The following EXTL3 variants were observed in gnomAD, a reference collection of about 807,000 sequenced individuals.
The protein encoded by EXTL3 is exostosin-like 3.
EXTL3 carries 27 observed loss-of-function variants against 69.3 expected under a neutral mutation model. The ratio of observed to expected loss-of-function variants is 0.39; its 90% CI spans 0.29 to 0.54. The LOEUF (loss-of-function observed/expected upper bound fraction) is 0.54. Among genes scored for constraint, EXTL3 ranks in the 20% least tolerant of loss-of-function variants. The pLI, the probability that EXTL3 is intolerant of heterozygous loss-of-function variation, is 0.69. For missense variants in EXTL3, 1,003 were observed against 1,231.8 expected (o/e 0.81, Z 2.78); for synonymous variants, 511 against 499.4 (o/e 1.02, Z -0.31).
rs1183332426 is a variant in EXTL3, at chr8:28,752,659, A to G, written c.*1793A>G. On this transcript the variant is annotated 3_prime_UTR_variant, in exon 7 of 7. Transcript: ENST00000220562. The stretch of plus-strand genomic sequence containing the variant: ...GTTCCCCGCCCCCAACCCCAGCATC[A>G]GCCTGTAGCTCCCCTGCTGAGGCAG... 1 of 152,736 alleles carries G rather than the reference A, an allele frequency of 6.5e-6. No homozygotes were observed. Among genetic ancestry groups the G allele is most frequent in the Non-Finnish European group, 1.5e-5 (1 of 68,138 alleles). 9.5% of individuals were successfully genotyped at this position (152,736 alleles called of 1,614,324 possible).
At chr8:28,705,691 AT>A (rs1228638177) in intron 1 of EXTL3, among the ~76,000 whole-genome samples, 1 of 152,238 alleles carries the variant, frequency 6.6e-6, no homozygotes, top group Non-Finnish European at 1.5e-5. Context: ...AATAAAAATC[AT>A]GTATGTTTGA....
intron 1 of EXTL3, among the ~76,000 whole-genome samples, chr8:28,625,083 C>T (rs1213149511): frequency 3.3e-5 from 5 of 152,200 alleles, no homozygotes; most frequent in Non-Finnish European, 5.9e-5. Context: ...AACTGACCCG[C>T]AGTTACAGAC....
intron 1 of EXTL3, among the ~76,000 whole-genome samples, chr8:28,712,411 A>G (rs1420695769): frequency 6.6e-6 from 1 of 152,130 alleles, no homozygotes; most frequent in African/African-American, 2.4e-5. Context: ...GTTGCTGTGT[A>G]TGGAGTGCAT....
intron 4 of EXTL3, among the ~76,000 whole-genome samples, chr8:28,736,728 AT>A (rs1801659458): frequency 6.6e-6 from 1 of 152,246 alleles, no homozygotes; most frequent in African/African-American, 2.4e-5. Flanking sequence ...TGTGCAATAT[AT>A]GTAAATTACA....
At chr8:28,666,110 G>A (rs1326419920) in intron 1 of EXTL3, among the ~76,000 whole-genome samples, 1 of 152,062 alleles carries the variant, frequency 6.6e-6, no homozygotes, top group Non-Finnish European at 1.5e-5. Flanking sequence ...TTCTTTTTGC[G>A]CCTCTTATTA....
At chr8:28,636,774 G>A (rs926930063) in intron 1 of EXTL3, among the ~76,000 whole-genome samples, 1 of 152,194 alleles carries the variant, frequency 6.6e-6, no homozygotes, top group East Asian at 1.9e-4. Flanking sequence ...ACTTTGGGAG[G>A]CTGAGACAGG....
intron 1 of EXTL3, among the ~76,000 whole-genome samples, chr8:28,691,878 C>G (rs1383318281): frequency 6.6e-6 from 1 of 151,786 alleles, no homozygotes; most frequent in Non-Finnish European, 1.5e-5. Flanking sequence ...GCCTGGGGGG[C>G]AACAGCGAAA....
chr8:28,656,867 A>T (rs971598152), intron 1 of EXTL3, among the ~76,000 whole-genome samples: 2 of 150,006 alleles, frequency 1.3e-5, no homozygotes, highest in East Asian at 3.9e-4. Context: ...GATGAATGTG[A>T]CCATTATTAT....
intron 2 of EXTL3, among the ~76,000 whole-genome samples, chr8:28,607,946 A>C (rs886290491): frequency 6.6e-6 from 1 of 151,228 alleles, no homozygotes; most frequent in Non-Finnish European, 1.5e-5. Flanking sequence ...CCCCGTCTCT[A>C]CTAAATACAA....
At chr8:28,661,673 A>C (rs1807117353) in intron 1 of EXTL3, among the ~76,000 whole-genome samples, 1 of 151,726 alleles carries the variant, frequency 6.6e-6, no homozygotes, top group Non-Finnish European at 1.5e-5. Context: ...TGAGGTCAGG[A>C]GTTCCAGACC....
At chr8:28,675,140 A>G (rs1389958286) in intron 1 of EXTL3, among the ~76,000 whole-genome samples, 1 of 152,292 alleles carries the variant, frequency 6.6e-6, no homozygotes, top group Admixed American at 6.5e-5. Context: ...GGTGGTGAGG[A>G]GAGCAAAGAT....
intron 2 of EXTL3, among the ~76,000 whole-genome samples, chr8:28,713,987 A>G (rs1055050329): frequency 6.4e-5 from 9 of 141,430 alleles, no homozygotes; most frequent in Non-Finnish European, 1.4e-4. Flanking sequence ...GCTCACTGCA[A>G]CCTCCACCTC....
chr8:28,708,735 A>C (rs2130718345), intron 1 of EXTL3, among the ~76,000 whole-genome samples: 1 of 152,328 alleles, frequency 6.6e-6, no homozygotes, highest in East Asian at 1.9e-4. Context: ...GCATGCAGAC[A>C]GCTCTGTAGA....
chr8:28,625,117 A>G (rs1441023393), intron 1 of EXTL3, among the ~76,000 whole-genome samples: 1 of 152,228 alleles, frequency 6.6e-6, no homozygotes, highest in Non-Finnish European at 1.5e-5. Context: ...AGTTAACTCA[A>G]ACAGGTGAGT....
rs564010286 is a variant in EXTL3 at position 28,612,061 on chromosome 8, G to GT, written n.314+4306dup. On this transcript the variant is annotated intron_variant and non_coding_transcript_variant, in intron 2 of 4. Transcript: ENST00000522725. ...AACCGCTCCAGCTTAGTGGCGTGAT[G>GT]TTTGTTCAAAATCTATCTTCAGTGC... Among the ~76,000 whole-genome samples the GT allele has an allele frequency of 6.4e-4, 97 of 152,326 alleles. 1 individual carries two copies. The highest frequency in any genetic ancestry group is 7.2e-4 in the Non-Finnish European group (49 of 68,024).
chr8:28,738,564 G>A (rs1285111770), intron 5 of EXTL3, among the ~76,000 whole-genome samples: 1 of 152,108 alleles, frequency 6.6e-6, no homozygotes, highest in East Asian at 1.9e-4. Context: ...CCTCCCTCCT[G>A]AAGTGTTCCC....
At chr8:28,728,547 T>G (rs1801461670) in intron 3 of EXTL3, among the ~76,000 whole-genome samples, 1 of 152,190 alleles carries the variant, frequency 6.6e-6, no homozygotes, top group South Asian at 2.1e-4. Flanking sequence ...TTCTTTGTCT[T>G]GAGTTGGGCA....
chr8:28,638,528 G>A (rs1806690840), intron 1 of EXTL3, among the ~76,000 whole-genome samples: 1 of 152,200 alleles, frequency 6.6e-6, no homozygotes, highest in African/African-American at 2.4e-5. Context: ...CAAAATGCCT[G>A]CCAGCATCTC....
chr8:28,647,745 C>T (rs992300672), intron 1 of EXTL3, among the ~76,000 whole-genome samples: 1 of 152,076 alleles, frequency 6.6e-6, no homozygotes, highest in Non-Finnish European at 1.5e-5. Flanking sequence ...TTGAGTTTTC[C>T]TCTTTTATGT....
Sources: allele counts gnomAD v4.1 joint callset (sites outside exome capture counted in the v4.1 genomes callset), GRCh38; gene constraint gnomAD v4.1.1; transcripts MANE v1.5; gene names NCBI Gene and HGNC (gene_info 2026-07-23, HGNC 2026-07-21).